AGAP1: variants seen among roughly 807,000 people sequenced by gnomAD.
The protein encoded by AGAP1 is arf-GAP with GTPase, ANK repeat and PH domain-containing protein 1.
Under a neutral mutation model 105.3 loss-of-function variants are expected in AGAP1, and 29 were observed. That is an observed-to-expected ratio of 0.28 (90% CI 0.21 to 0.38). The LOEUF (loss-of-function observed/expected upper bound fraction) is 0.38. Ranked by LOEUF, AGAP1 falls within the 10% of genes least tolerant of loss-of-function variation. The pLI is 1.00. For synonymous variants in AGAP1, 509 were observed against 485.9 expected, an observed-to-expected ratio of 1.05 and a Z score of -0.63; for missense variants, 998 against 1,165.1, an observed-to-expected ratio of 0.86 and a Z score of 2.09.
At position 236,053,839 on chromosome 2, in the gene AGAP1, T is replaced by G. The variant is rs999229967; in HGVS notation, c.2114+4558T>G. ...AGAGGCGCTTTAAGCGCAACTGAAA[T>G]CACCCATTACCTCTTTGATGCCACT... is the stretch of plus-strand genomic sequence containing the variant. On this transcript the variant is annotated intron_variant, in intron 16 of 17. Coordinates refer to ENST00000304032, the MANE Select transcript of AGAP1 (RefSeq NM_001037131.3). This position sits in a 1 kb window ranked among gnomAD's most constrained non-coding sequence, Gnocchi z 4.6. Among the ~76,000 whole-genome samples, 1 of 152,264 alleles carries G rather than the reference T, an allele frequency of 6.6e-6. No homozygotes were observed. Among genetic ancestry groups the G allele is most frequent in the Non-Finnish European group, 1.5e-5 (1 of 68,046 alleles).
intron 16 of AGAP1, among the ~76,000 whole-genome samples, chr2:236,070,790 CAG>C (rs1311314963): frequency 6.6e-6 from 1 of 151,966 alleles, no homozygotes; most frequent in Non-Finnish European, 1.5e-5. Flanking sequence ...GGGGAGGCAT[CAG>C]GGGGATGGGC....
At position 236,038,819 on chromosome 2, in the gene AGAP1, ATGTGTGTG is replaced by A. The variant is rs3030744; in HGVS notation, c.1801-1909_1801-1902del. The stretch of plus-strand genomic sequence containing the variant: ...GAGAGACAGAGGCACATCCCTTTGT[ATGTGTGTG>A]TGTGTGTGTGTGTGTGTGTGTGATC... On this transcript the variant is annotated intron_variant, in intron 14 of 17. Transcript: ENST00000304032. The surrounding 1 kb of genome is among the most constrained non-coding windows in gnomAD (Gnocchi z 4.5). Among the ~76,000 whole-genome samples, 33 of 95,694 alleles carry A rather than the reference ATGTGTGTG, an allele frequency of 3.4e-4. No homozygotes were observed. The highest frequency in any genetic ancestry group is 7.5e-4 in the African/African-American group (26 of 34,622). 62.8% of individuals were successfully genotyped at this position (95,694 alleles called of 152,430 possible).
At chr2:235,907,228 T>C (rs2051350041) in intron 10 of AGAP1, among the ~76,000 whole-genome samples, 1 of 152,234 alleles carries the variant, frequency 6.6e-6, no homozygotes, top group Non-Finnish European at 1.5e-5. Flanking sequence ...TAACTGCCAT[T>C]GGGCAGTTAA....
intron 1 of AGAP1, among the ~76,000 whole-genome samples, chr2:235,605,526 A>G (rs1389983077): frequency 6.6e-6 from 1 of 152,218 alleles, no homozygotes; most frequent in Non-Finnish European, 1.5e-5. Context: ...GGCATCATTT[A>G]TCTTCTCCCT....
intron 12 of AGAP1, among the ~76,000 whole-genome samples, chr2:235,966,373 A>G (rs535755151): frequency 6.4e-4 from 97 of 152,094 alleles, no homozygotes; most frequent in African/African-American, 2.3e-3. Context: ...GAGGGCGAGA[A>G]GGCCAGTAGA....
chr2:235,607,972 A>G (rs1946001602), intron 1 of AGAP1, among the ~76,000 whole-genome samples: 1 of 152,192 alleles, frequency 6.6e-6, no homozygotes, highest in African/African-American at 2.4e-5. Context: ...TCGAGTTTTG[A>G]CTTGGAAGTG....
At position 235,729,279 on chromosome 2, in the gene AGAP1, G is replaced by A. The variant is rs1951814979; in HGVS notation, c.310+11635G>A. 6.6e-6 allele frequency among the ~76,000 whole-genome samples: 1 copy of A among 152,162 alleles called. No individual in the cohort carries two copies. The stretch of plus-strand genomic sequence containing the variant: ...GGGCCTAAGAAAAACTGATTCCCAG[G>A]TGTGTTTGGGCCGTCTAGAACCATG... On this transcript the variant is annotated intron_variant, in intron 3 of 17. Coordinates refer to ENST00000304032, the MANE Select transcript of AGAP1 (RefSeq NM_001037131.3). This position sits in a 1 kb window ranked among gnomAD's most constrained non-coding sequence, Gnocchi z 5.0.
rs2058712767 is a variant in AGAP1 at position 236,078,984 on chromosome 2, T to A, written c.2114+29703T>A. On this transcript the variant is annotated intron_variant, in intron 16 of 17. Transcript: ENST00000304032. This position sits in a 1 kb window ranked among gnomAD's most constrained non-coding sequence, Gnocchi z 5.3. The stretch of plus-strand genomic sequence containing the variant: ...TTCCAGTCCCGTCCCTTTAGCCTCA[T>A]CCCTCATGGGGGAAGATACCTGATG... Among the ~76,000 whole-genome samples the A allele has an allele frequency of 6.6e-6, 1 of 152,068 alleles. No homozygotes were observed.
Position 235,994,067 on chromosome 2 carries a change from C to A in AGAP1, c.1645+25444C>A, listed in dbSNP as rs1237053432. Among the ~76,000 whole-genome samples the A allele has an allele frequency of 6.6e-6, 1 of 152,144 alleles. No individual in the cohort carries two copies. Among genetic ancestry groups the A allele is most frequent in the Non-Finnish European group, 1.5e-5 (1 of 68,034 alleles). On this transcript the variant is annotated intron_variant, in intron 13 of 17. Transcript: ENST00000304032. This position sits in a 1 kb window ranked among gnomAD's most constrained non-coding sequence, Gnocchi z 4.4. Reference sequence around the variant, plus strand: ...AGCACAGACACCTTCCCCTGGGACCCCCATTGGCTGTGTGTCCCCCAGCTT... The same window carrying A: ...AGCACAGACACCTTCCCCTGGGACCACCATTGGCTGTGTGTCCCCCAGCTT...
Position 235,944,020 on chromosome 2 carries a change from A to G in AGAP1, c.1483+13097A>G, listed in dbSNP as rs116405475. 3.5e-3 allele frequency among the ~76,000 whole-genome samples: 537 copies of G among 152,340 alleles called. 2 individuals carry two copies. The highest frequency in any genetic ancestry group is 0.012 in the African/African-American group (486 of 41,576). ...AGCAGATGGTTATTTTTAATGACTT[A>G]AAATTTTACTCTTTTATATGAGAAG... On this transcript the variant is annotated intron_variant, in intron 12 of 17. Transcript: ENST00000304032.
chr2:235,694,665 GA>G (rs930909461), intron 1 of AGAP1, among the ~76,000 whole-genome samples: 1 of 151,242 alleles, frequency 6.6e-6, no homozygotes, highest in Non-Finnish European at 1.5e-5. Flanking sequence ...AAAAAAAAAA[GA>G]AAAAAAGGAA....
At chr2:235,807,634 G>A (rs980025668) in intron 9 of AGAP1, among the ~76,000 whole-genome samples, 4 of 152,198 alleles carry the variant, frequency 2.6e-5, no homozygotes, top group Admixed American at 2.0e-4. Flanking sequence ...ATTGGGCCGC[G>A]GGCCGCCGGG....
At chr2:236,026,526 C>T (rs936669608) in intron 13 of AGAP1, among the ~76,000 whole-genome samples, 3 of 152,154 alleles carry the variant, frequency 2.0e-5, no homozygotes, top group South Asian at 2.1e-4. Flanking sequence ...GCCAGAAGTT[C>T]GAGACCAGCC....
chr2:236,024,149 G>A (rs1455168685), intron 13 of AGAP1, among the ~76,000 whole-genome samples: 4 of 150,180 alleles, frequency 2.7e-5, no homozygotes, highest in African/African-American at 7.4e-5. Context: ...TCCTGCCTCA[G>A]CCTCCCAAGT....
chr2:235,897,083 G>A (rs775769505), intron 10 of AGAP1, among the ~76,000 whole-genome samples: 3 of 152,094 alleles, frequency 2.0e-5, no homozygotes, highest in Non-Finnish European at 4.4e-5. Flanking sequence ...GTTTTATTTG[G>A]TTTTATTTGT....
At chr2:235,594,206 C>G (rs1482898998) in intron 1 of AGAP1, among the ~76,000 whole-genome samples, 1 of 151,998 alleles carries the variant, frequency 6.6e-6, no homozygotes, top group Non-Finnish European at 1.5e-5. Context: ...AGACAGAATA[C>G]AGTTCTTACA....
chr2:235,828,599 T>C (rs1959173098), intron 9 of AGAP1, among the ~76,000 whole-genome samples: 1 of 152,112 alleles, frequency 6.6e-6, no homozygotes, highest in Non-Finnish European at 1.5e-5. Flanking sequence ...ACCTCTGGAA[T>C]TGGAAACGTA....
At chr2:235,656,630 A>G (rs1028103965) in intron 1 of AGAP1, among the ~76,000 whole-genome samples, 1 of 152,072 alleles carries the variant, frequency 6.6e-6, no homozygotes. Flanking sequence ...GTGCGGTCTA[A>G]CCCTAGCCAA....
rs374538270 is a variant in AGAP1, at chr2:235,942,999, A to G, written c.1483+12076A>G. ...TCCCAGCTACCCAAGAGGCACATAT[A>G]TTTGAAGATTTGTCAAATATATGTG... On this transcript the variant is annotated intron_variant, in intron 12 of 17. Coordinates refer to ENST00000304032, the MANE Select transcript of AGAP1 (RefSeq NM_001037131.3). Among the ~76,000 whole-genome samples, 14 of 152,324 alleles carry G rather than the reference A, an allele frequency of 9.2e-5. No homozygotes were observed. In the East Asian group the frequency reaches 2.5e-3, roughly 27 times the overall value.
Sources: gnomAD v4.1 joint callset for allele counts (sites outside exome capture counted in the v4.1 genomes callset) on GRCh38, gnomAD v4.1.1 for gene constraint, Gnocchi (gnomAD v3.1) non-coding constraint, MANE v1.5 for transcripts, NCBI Gene and HGNC (gene_info 2026-07-23, HGNC 2026-07-21) for gene names.